PRKG1: variants seen among roughly 807,000 people sequenced by gnomAD.
PRKG1 encodes the protein protein kinase cGMP-dependent 1.
PRKG1 carries 35 observed loss-of-function variants against 88.1 expected under a neutral mutation model. The observed-to-expected ratio is 0.40, with a 90% CI of 0.30 to 0.53. PRKG1 has a LOEUF of 0.53. Among genes scored for constraint, PRKG1 ranks in the 20% least tolerant of loss-of-function variants. The pLI, the probability that PRKG1 is intolerant of heterozygous loss-of-function variation, is 0.59. For synonymous variants in PRKG1, 303 were observed against 292.5 expected (o/e 1.04, Z -0.37); for missense variants, 540 against 839.8 (o/e 0.64, Z 4.41).
chr10:51,237,251 C>T (rs890595512), intron 2 of PRKG1, among the ~76,000 whole-genome samples: 4 of 152,132 alleles, frequency 2.6e-5, no homozygotes, highest in African/African-American at 9.7e-5. Context: ...AAATGATATT[C>T]TGATCTCCAC....
chr10:51,053,769 G>GT (rs1258893566), intron 1 of PRKG1, among the ~76,000 whole-genome samples: 7 of 71,642 alleles, frequency 9.8e-5, no homozygotes, highest in Non-Finnish European at 1.3e-4. Context: ...GTAGTTATGG[G>GT]TTTTTTTTGT....
At chr10:51,929,556 G>T (rs942548416) in intron 5 of PRKG1, among the ~76,000 whole-genome samples, 1 of 151,846 alleles carries the variant, frequency 6.6e-6, no homozygotes, top group African/African-American at 2.4e-5. Context: ...TCACCATGTT[G>T]GCCAGGCTGG....
At chr10:51,309,864 A>G (rs913350157) in intron 2 of PRKG1, among the ~76,000 whole-genome samples, 3 of 152,190 alleles carry the variant, frequency 2.0e-5, no homozygotes, top group Non-Finnish European at 2.9e-5. Flanking sequence ...TCTACAGATG[A>G]TTGGATAAAG....
At chr10:51,199,773 G>T (rs1394588649) in intron 2 of PRKG1, among the ~76,000 whole-genome samples, 1 of 152,144 alleles carries the variant, frequency 6.6e-6, no homozygotes, top group Non-Finnish European at 1.5e-5. Flanking sequence ...TTCAGGTATT[G>T]GTAATAATTC....
chr10:52,148,202 C>T (rs545192025), intron 8 of PRKG1, among the ~76,000 whole-genome samples: 3 of 152,194 alleles, frequency 2.0e-5, no homozygotes, highest in South Asian at 2.1e-4. Context: ...ATCTAGGTAA[C>T]ATTGGCAATG....
chr10:51,930,429 A>C (rs1177976851), intron 5 of PRKG1, among the ~76,000 whole-genome samples: 1 of 152,036 alleles, frequency 6.6e-6, no homozygotes, highest in Non-Finnish European at 1.5e-5. Context: ...ATTAATTAGA[A>C]AAAAAGAATG....
intron 4 of PRKG1, among the ~76,000 whole-genome samples, chr10:51,851,248 AG>A (rs1554848604): frequency 6.6e-6 from 1 of 152,254 alleles, no homozygotes; most frequent in Non-Finnish European, 1.5e-5. Context: ...AAAGATAAAT[AG>A]TAAAAATAGT....
intron 6 of PRKG1, among the ~76,000 whole-genome samples, chr10:52,061,235 G>A (rs1846228098): frequency 6.6e-6 from 1 of 151,980 alleles, no homozygotes; most frequent in South Asian, 2.1e-4. Flanking sequence ...TAATCAAATG[G>A]ATCAGTGGAG....
intron 9 of PRKG1, among the ~76,000 whole-genome samples, chr10:52,211,618 A>G (rs1318579492): frequency 2.6e-5 from 4 of 151,680 alleles, no homozygotes; most frequent in African/African-American, 9.7e-5. Context: ...GTTCTACTGA[A>G]TTGTCTTTAT....
chr10:51,552,447 A>C (rs1401459133), intron 3 of PRKG1, among the ~76,000 whole-genome samples: 1 of 151,634 alleles, frequency 6.6e-6, no homozygotes, highest in Non-Finnish European at 1.5e-5. Flanking sequence ...ATTAAAGGTG[A>C]GTTCAGGCAG....
chr10:51,185,571 ATTTTG>A (rs1328741840), intron 2 of PRKG1, among the ~76,000 whole-genome samples: 1 of 152,010 alleles, frequency 6.6e-6, no homozygotes, highest in Non-Finnish European at 1.5e-5. Flanking sequence ...GAAAGTCACT[ATTTTG>A]TTTTGTAACC....
At chr10:52,100,168 T>C (rs1301601476) in intron 7 of PRKG1, among the ~76,000 whole-genome samples, 1 of 152,122 alleles carries the variant, frequency 6.6e-6, no homozygotes, top group African/African-American at 2.4e-5. Context: ...CCCAGCACAG[T>C]GAACTCATGT....
chr10:51,409,968 C>T (rs1460312707), intron 2 of PRKG1, among the ~76,000 whole-genome samples: 2 of 151,432 alleles, frequency 1.3e-5, no homozygotes, highest in East Asian at 3.9e-4. Flanking sequence ...AGGCTTCAGA[C>T]AGCATCCCTA....
At chr10:51,376,785 C>T (rs1228869414) in intron 2 of PRKG1, among the ~76,000 whole-genome samples, 1 of 152,160 alleles carries the variant, frequency 6.6e-6, no homozygotes, top group Non-Finnish European at 1.5e-5. Flanking sequence ...AGTGATTCTC[C>T]TGCCTCAGCC....
intron 7 of PRKG1, among the ~76,000 whole-genome samples, chr10:52,103,974 T>C (rs1291755533): frequency 6.7e-6 from 1 of 148,930 alleles, no homozygotes; most frequent in African/African-American, 2.4e-5. Flanking sequence ...AGCTCTCTTC[T>C]ATTATGACTT....
chr10:51,875,200 G>A (rs1275874593), intron 4 of PRKG1, among the ~76,000 whole-genome samples: 1 of 152,066 alleles, frequency 6.6e-6, no homozygotes, highest in African/African-American at 2.4e-5. Flanking sequence ...AATTAGGTAA[G>A]TGTTGAATGC....
At chr10:51,498,202 CTAATT>C (rs1840915698) in intron 3 of PRKG1, among the ~76,000 whole-genome samples, 1 of 152,112 alleles carries the variant, frequency 6.6e-6, no homozygotes, top group Non-Finnish European at 1.5e-5. Context: ...TAGTAACTTC[CTAATT>C]TAATAAGCTC....
At chr10:52,103,499 C>G (rs1377792756) in intron 7 of PRKG1, among the ~76,000 whole-genome samples, 1 of 152,054 alleles carries the variant, frequency 6.6e-6, no homozygotes, top group African/African-American at 2.4e-5. Flanking sequence ...ACTATATTTT[C>G]TTTTCTTTAT....
At chr10:52,106,373 C>A (rs1168861144) in intron 7 of PRKG1, among the ~76,000 whole-genome samples, 1 of 152,128 alleles carries the variant, frequency 6.6e-6, no homozygotes, top group African/African-American at 2.4e-5. Flanking sequence ...TAAGTGTGTC[C>A]GATGTGATAT....
Sources: gnomAD v4.1 joint callset for allele counts (sites outside exome capture counted in the v4.1 genomes callset) on GRCh38, gnomAD v4.1.1 for gene constraint, MANE v1.5 for transcripts, NCBI Gene and HGNC (gene_info 2026-07-23, HGNC 2026-07-21) for gene names.